The following PLEKHM3 variants were observed in gnomAD, a reference collection of about 807,000 sequenced individuals.
PLEKHM3 encodes the protein pleckstrin homology domain containing M3.
PLEKHM3 carries 45 observed loss-of-function variants against 81.8 expected under a neutral mutation model. The observed-to-expected ratio is 0.55, with a 90% CI of 0.43 to 0.71. PLEKHM3 has a LOEUF of 0.71. Among genes scored for constraint, PLEKHM3 ranks in the 30% least tolerant of loss-of-function variants. PLEKHM3 has a pLI of 0.00. For synonymous variants in PLEKHM3, 352 were observed against 356.4 expected (o/e 0.99, Z 0.14); for missense variants, 788 against 924.3 (o/e 0.85, Z 1.91).
intron 7 of PLEKHM3, among the ~76,000 whole-genome samples, chr2:207,848,532 T>C (rs763124791): frequency 1.3e-5 from 2 of 152,226 alleles, no homozygotes; most frequent in African/African-American, 2.4e-5. Flanking sequence ...CTGAGAACAA[T>C]TAGGCATCTC....
rs192672942 is a variant in PLEKHM3, at chr2:207,913,338, C to T, written c.1887-4761G>A. Among the ~76,000 whole-genome samples the T allele has an allele frequency of 5.4e-3, 825 of 152,054 alleles. 2 individuals are homozygous for T. Among genetic ancestry groups the T allele is most frequent in the Non-Finnish European group, 6.8e-3 (462 of 67,998 alleles). ...GCTGGGAAATGAGAAAAGATTGCTT[C>T]CTGGTGAAACAGTACTATTAATATT... is the stretch of plus-strand genomic sequence containing the variant. On this transcript the variant is annotated intron_variant, in intron 5 of 7. Coordinates refer to ENST00000427836, the MANE Select transcript of PLEKHM3 (RefSeq NM_001080475.3).
rs375717295 is a variant in PLEKHM3, at chr2:208,001,124, T to C, written c.516A>G (p.Gln172=). The C allele has an allele frequency of 6.2e-7, 1 of 1,603,366 alleles. No individual in the cohort carries two copies. Among genetic ancestry groups the C allele is most frequent in the Admixed American group, 1.7e-5 (1 of 58,284 alleles). The part of the protein sequence containing the change: ...VLKTTPLQQQ[Q]QQQPLLQGPH... ...GGCCTTGAAGCAATGGCTGCTGCTGTTGCTGCTGCTGCAAAGGCGTGGTTT... is the reference window on the plus strand; with the variant it reads ...GGCCTTGAAGCAATGGCTGCTGCTGCTGCTGCTGCTGCAAAGGCGTGGTTT... Residue 172 remains glutamine, a synonymous_variant, in exon 2 of 8, where the codon CAA becomes CAG. Transcript: ENST00000427836.
At chr2:207,917,868 T>G (rs1469078610) in intron 5 of PLEKHM3, among the ~76,000 whole-genome samples, 1 of 152,128 alleles carries the variant, frequency 6.6e-6, no homozygotes, top group Non-Finnish European at 1.5e-5. Context: ...CTAAGAGACA[T>G]GTTCTTAATA....
At chr2:207,863,040 T>C (rs941848504) in intron 6 of PLEKHM3, among the ~76,000 whole-genome samples, 3 of 152,268 alleles carry the variant, frequency 2.0e-5, no homozygotes, top group South Asian at 4.2e-4. Context: ...ACCCCGGTCA[T>C]TTGCAAGGGA....
intron 1 of PLEKHM3, among the ~76,000 whole-genome samples, chr2:208,015,091 C>G (rs1288598763): frequency 6.6e-6 from 1 of 152,224 alleles, no homozygotes; most frequent in African/African-American, 2.4e-5. Flanking sequence ...GTACTTACTA[C>G]TTAACGTATG....
intron 3 of PLEKHM3, among the ~76,000 whole-genome samples, chr2:207,954,375 A>G (rs1679090595): frequency 6.6e-6 from 1 of 152,118 alleles, no homozygotes; most frequent in Admixed American, 6.5e-5. Context: ...TGTCAACACA[A>G]CAATATGGCA....
At chr2:207,931,695 G>A (rs1224023741) in intron 4 of PLEKHM3, among the ~76,000 whole-genome samples, 5 of 152,152 alleles carry the variant, frequency 3.3e-5, no homozygotes, top group East Asian at 1.9e-4. Flanking sequence ...AATCAAGGCC[G>A]GGTGTGGTGG....
chr2:207,828,501 A>C lies in PLEKHM3; in HGVS notation c.2109-5T>G, dbSNP rs774808077. On this transcript the variant is annotated splice_region_variant and splice_polypyrimidine_tract_variant and intron_variant, in intron 7 of 7. Coordinates refer to ENST00000427836, the MANE Select transcript of PLEKHM3 (RefSeq NM_001080475.3). ...ACGGCTCCACAGCTTTCACACCTGC[A>C]AAAGTCAACCATGGATATGATGAGC... is the stretch of plus-strand genomic sequence containing the variant. 6.2e-7 allele frequency: 1 copy of C among 1,613,124 alleles called. No individual in the cohort carries two copies. The highest frequency in any genetic ancestry group is 1.1e-5 in the South Asian group (1 of 90,952).
intron 7 of PLEKHM3, among the ~76,000 whole-genome samples, chr2:207,841,467 AAAAAAAAAAAAAAATATATATATAT>A (rs1327613881): frequency 0.018 from 1,370 of 74,538 alleles, 87 homozygotes; most frequent in African/African-American, 0.076. Context: ...AAAAAAAAAA[AAAAAAAAAAAAAAATATATATATAT>A]ATATATATAT....
chr2:207,974,718 T>A (rs1167165182), intron 3 of PLEKHM3, among the ~76,000 whole-genome samples: 2 of 152,318 alleles, frequency 1.3e-5, no homozygotes, highest in Admixed American at 1.3e-4. Context: ...TCTATTTTTT[T>A]AAAAAACTGC....
intron 3 of PLEKHM3, among the ~76,000 whole-genome samples, chr2:207,975,785 T>C (rs1574460408): frequency 6.6e-6 from 1 of 151,590 alleles, no homozygotes; most frequent in Non-Finnish European, 1.5e-5. Context: ...TTAGTAGAGA[T>C]GGGGTTTCAC....
In PLEKHM3 at chr2:207,904,066, C is replaced by T. The variant is rs576205217; in HGVS notation, c.1950+4448G>A. ...TCCCCATTCAAAACGTGCACCAATACTAGTCCATGCATCCACACACGCTGA... is the reference window on the plus strand; with the variant it reads ...TCCCCATTCAAAACGTGCACCAATATTAGTCCATGCATCCACACACGCTGA... On this transcript the variant is annotated intron_variant, in intron 6 of 7. Coordinates refer to ENST00000427836, the MANE Select transcript of PLEKHM3 (RefSeq NM_001080475.3). 1.5e-3 allele frequency among the ~76,000 whole-genome samples: 230 copies of T among 152,318 alleles called. 1 individual carries two copies. Among genetic ancestry groups the T allele is most frequent in the Non-Finnish European group, 2.2e-3 (147 of 68,020 alleles).
intron 3 of PLEKHM3, among the ~76,000 whole-genome samples, chr2:207,952,553 CT>C (rs1690364707): frequency 1.3e-5 from 2 of 152,270 alleles, no homozygotes; most frequent in South Asian, 4.1e-4. Flanking sequence ...TGAACCTGTA[CT>C]TTAAAAAATA....
intron 1 of PLEKHM3, among the ~76,000 whole-genome samples, chr2:208,023,913 C>T (rs919305537): frequency 2.0e-5 from 3 of 151,922 alleles, no homozygotes; most frequent in Admixed American, 6.6e-5. Context: ...ATGCCAGGTA[C>T]GGTTCTAAGC....
intron 6 of PLEKHM3, among the ~76,000 whole-genome samples, chr2:207,889,493 C>A (rs1687987273): frequency 7.1e-6 from 1 of 140,062 alleles, no homozygotes; most frequent in African/African-American, 2.6e-5. Flanking sequence ...ACGGCCCTAA[C>A]CAAACCCAAA....
chr2:207,849,423 C>T (rs548873035), intron 7 of PLEKHM3, among the ~76,000 whole-genome samples: 1 of 152,226 alleles, frequency 6.6e-6, no homozygotes, highest in East Asian at 1.9e-4. Context: ...AAGTTCAATG[C>T]CCTGTGTGCC....
chr2:207,964,868 A>G (rs775536509), intron 3 of PLEKHM3, among the ~76,000 whole-genome samples: 20 of 152,238 alleles, frequency 1.3e-4, no homozygotes, highest in Non-Finnish European at 2.5e-4. Flanking sequence ...ATTAACCTGT[A>G]CTTTACCCCC....
chr2:207,903,977 A>G (rs59193057), intron 6 of PLEKHM3, among the ~76,000 whole-genome samples: 1 of 152,120 alleles, frequency 6.6e-6, no homozygotes, highest in African/African-American at 2.4e-5. Context: ...CACAAATTCT[A>G]TTCTATTTAT....
intron 6 of PLEKHM3, among the ~76,000 whole-genome samples, chr2:207,904,891 AT>A (rs947311091): frequency 6.6e-6 from 1 of 152,146 alleles, no homozygotes; most frequent in Non-Finnish European, 1.5e-5. Flanking sequence ...TAAGATTGCA[AT>A]TTTTTTGGTA....
Sources: allele counts gnomAD v4.1 joint callset (sites outside exome capture counted in the v4.1 genomes callset), GRCh38; gene constraint gnomAD v4.1.1; transcripts MANE v1.5; gene names NCBI Gene and HGNC (gene_info 2026-07-23, HGNC 2026-07-21).